Variants in SCAND3 observed in about 807,000 individuals in gnomAD.
The protein encoded by SCAND3 is SCAN domain containing 3, also known as SCAN domain-containing protein 3.
the SCAND3 span, among the ~76,000 whole-genome samples, chr6:28,577,668 A>AGACCTCAGATAATGGGGAACT: frequency 6.6e-6 from 1 of 152,322 alleles, no homozygotes; most frequent in East Asian, 1.9e-4. Context: ...ACTGGTCTGA[A>AGACCTCAGATAATGGGGAACT]GACCTCAGAT....
the SCAND3 span, among the ~76,000 whole-genome samples, chr6:28,609,758 G>T: frequency 6.6e-6 from 1 of 152,122 alleles, no homozygotes; most frequent in Non-Finnish European, 1.5e-5. Flanking sequence ...ACATACCCAG[G>T]ACCACAATAA....
At chr6:28,589,364 T>TG in the SCAND3 span, 2 of 152,110 alleles carry the variant, frequency 1.3e-5, no homozygotes, top group African/African-American at 4.8e-5. Flanking sequence ...ACTTACCTAC[T>TG]GTACCCTTGT....
chr6:28,607,096 A>C, the SCAND3 span, among the ~76,000 whole-genome samples: 1 of 152,208 alleles, frequency 6.6e-6, no homozygotes, highest in Non-Finnish European at 1.5e-5. Flanking sequence ...AATTTACCGA[A>C]TCTTTGAGAA....
the SCAND3 span, among the ~76,000 whole-genome samples, chr6:28,593,387 T>G: frequency 6.6e-6 from 1 of 152,124 alleles, no homozygotes; most frequent in Non-Finnish European, 1.5e-5. Context: ...GAGTTTTTTT[T>G]TTTTTTGCTG....
At chr6:28,614,650 AG>A in the SCAND3 span, among the ~76,000 whole-genome samples, 1 of 151,940 alleles carries the variant, frequency 6.6e-6, no homozygotes, top group Non-Finnish European at 1.5e-5. Context: ...TTTTTAGTAG[AG>A]ATGGGGTTTC....
chr6:28,575,273 C>T, the SCAND3 span: 1 of 1,613,954 alleles, frequency 6.2e-7, no homozygotes, highest in Non-Finnish European at 8.5e-7. This position sits in a 1 kb window ranked among gnomAD's most constrained non-coding sequence, Gnocchi z 4.2. Context: ...TTTCGGATAT[C>T]CTCAGTTTGT....
At chr6:28,580,183 T>A in the SCAND3 span, among the ~76,000 whole-genome samples, 2 of 152,202 alleles carry the variant, frequency 1.3e-5, no homozygotes, top group African/African-American at 4.8e-5. Flanking sequence ...GGCTCATGCC[T>A]GTAATCCCAG....
chr6:28,572,190 G>A, the SCAND3 span: 4,224 of 1,613,978 alleles, frequency 2.6e-3, 41 homozygotes, highest in Admixed American at 0.023. The surrounding 1 kb of genome is among the most constrained non-coding windows in gnomAD (Gnocchi z 4.1). Context: ...TCAATCCTTC[G>A]TCGGTAGCCA....
the SCAND3 span, among the ~76,000 whole-genome samples, chr6:28,609,590 C>A: frequency 6.6e-6 from 1 of 152,144 alleles, no homozygotes; most frequent in Non-Finnish European, 1.5e-5. Flanking sequence ...ACATCCAGGT[C>A]ACAATTGGCA....
At chr6:28,595,195 CAAAAAAAAA>C in the SCAND3 span, among the ~76,000 whole-genome samples, 21 of 16,120 alleles carry the variant, frequency 1.3e-3, no homozygotes, top group African/African-American at 3.5e-3. Context: ...CCGTCACTAC[CAAAAAAAAA>C]AAAAAAAAAA....
chr6:28,573,826 A>G, the SCAND3 span: 8 of 1,519,680 alleles, frequency 5.3e-6, no homozygotes, highest in Middle Eastern at 3.4e-4. Flanking sequence ...TTGTTTCGCC[A>G]TCTGAAATTA....
At chr6:28,594,840 T>C in the SCAND3 span, among the ~76,000 whole-genome samples, 2 of 151,662 alleles carry the variant, frequency 1.3e-5, no homozygotes, top group Non-Finnish European at 2.9e-5. Context: ...GTTGAACTCG[T>C]AGAAATAGAG....
chr6:28,572,909 A>G, the SCAND3 span: 2 of 1,614,064 alleles, frequency 1.2e-6, no homozygotes, highest in Non-Finnish European at 1.7e-6. The surrounding 1 kb of genome is among the most constrained non-coding windows in gnomAD (Gnocchi z 4.1). Context: ...GTTGTTTTAC[A>G]TTCTGGCGCA....
chr6:28,592,807 C>T, the SCAND3 span, among the ~76,000 whole-genome samples: 3 of 152,222 alleles, frequency 2.0e-5, no homozygotes, highest in African/African-American at 7.2e-5. The surrounding 1 kb of genome is among the most constrained non-coding windows in gnomAD (Gnocchi z 4.1). Flanking sequence ...GTGCCAAGAA[C>T]ACACAAAAGG....
chr6:28,576,948 A>G, the SCAND3 span, among the ~76,000 whole-genome samples: 1 of 151,676 alleles, frequency 6.6e-6, no homozygotes, highest in South Asian at 2.1e-4. Context: ...GCAAGACAAT[A>G]ATAGATTTTT....
At chr6:28,576,135 C>A in the SCAND3 span, 1 of 1,556,646 alleles carries the variant, frequency 6.4e-7, no homozygotes, top group Non-Finnish European at 8.6e-7. Context: ...ACAAAAATGA[C>A]CCTAAAAACA....
chr6:28,578,355 C>G, the SCAND3 span, among the ~76,000 whole-genome samples: 1 of 152,060 alleles, frequency 6.6e-6, no homozygotes, highest in African/African-American at 2.4e-5. Flanking sequence ...TTTTCTTTAA[C>G]TGTTTTATAG....
the SCAND3 span, among the ~76,000 whole-genome samples, chr6:28,583,806 C>T: frequency 6.6e-6 from 1 of 152,226 alleles, no homozygotes; most frequent in Non-Finnish European, 1.5e-5. Context: ...GCATGTTCTT[C>T]TTCCTCCACA....
At chr6:28,573,675 A>T in the SCAND3 span, 2 of 1,611,332 alleles carry the variant, frequency 1.2e-6, no homozygotes, top group Non-Finnish European at 1.7e-6. Context: ...TATATGAAGG[A>T]TCATATTTCC....
Sources: allele counts gnomAD v4.1 joint callset (sites outside exome capture counted in the v4.1 genomes callset), GRCh38; gene constraint gnomAD v4.1.1; non-coding constraint Gnocchi (gnomAD v3.1); transcripts MANE v1.5; gene names NCBI Gene and HGNC (gene_info 2026-07-23, HGNC 2026-07-21).